Variants in CDC14A observed in about 807,000 individuals in gnomAD.
The protein encoded by CDC14A is dual specificity protein phosphatase CDC14A.
In CDC14A, 53 loss-of-function variants were observed where a neutral mutation model predicts 74.4. The observed-to-expected ratio is 0.71, with a 90% CI of 0.57 to 0.89. CDC14A has a LOEUF of 0.89. Among genes scored for constraint, CDC14A ranks in the 40% least tolerant of loss-of-function variants. The pLI is 0.00. For synonymous variants in CDC14A, 247 were observed against 258.4 expected, an observed-to-expected ratio of 0.96 and a Z score of 0.43; for missense variants, 646 against 713.7, an observed-to-expected ratio of 0.91 and a Z score of 1.08.
At chr1:100,375,282 A>G (rs1655079588) in intron 2 of CDC14A, among the ~76,000 whole-genome samples, 1 of 152,230 alleles carries the variant, frequency 6.6e-6, no homozygotes, top group Non-Finnish European at 1.5e-5. Context: ...CAGATTTCCT[A>G]TGGGACCTCT....
At chr1:100,363,297 G>A (rs1653050317) in intron 2 of CDC14A, 1 of 152,192 alleles carries the variant, frequency 6.6e-6, no homozygotes, top group Admixed American at 6.5e-5. Context: ...GTTTACGTGT[G>A]CAGCTCTCTT....
intron 4 of CDC14A, among the ~76,000 whole-genome samples, chr1:100,421,388 T>A (rs1571146997): frequency 1.3e-5 from 2 of 152,208 alleles, no homozygotes; most frequent in African/African-American, 4.8e-5. Flanking sequence ...AAATATGGAT[T>A]TTATTTTTAG....
At chr1:100,494,672 C>A in intron 11 of CDC14A, 146 bp from the exon 12 acceptor site, 1 of 543,456 alleles carries the variant, frequency 1.8e-6, no homozygotes, top group Non-Finnish European at 3.3e-6. Context: ...TTTGTGTAAA[C>A]TTTGACAATG....
At chr1:100,481,702 A>G (rs1430159977) in intron 10 of CDC14A, among the ~76,000 whole-genome samples, 1 of 152,214 alleles carries the variant, frequency 6.6e-6, no homozygotes, top group Non-Finnish European at 1.5e-5. Flanking sequence ...ATTCAAACCA[A>G]GACACATCTC....
chr1:100,519,751 A>G lies in CDC14A; in HGVS notation c.*1471A>G, dbSNP rs1650539670. 1 of 152,584 alleles carries G rather than the reference A, an allele frequency of 6.6e-6. No individual in the cohort carries two copies. The highest frequency in any genetic ancestry group is 2.4e-5 in the African/African-American group (1 of 41,452). The allele number at this position is 152,584 out of a possible 1,614,324, so 9.5% of individuals were successfully genotyped here. A position where few individuals can be genotyped will look rare whatever the true frequency, so the allele number is the denominator to read the frequency against. ...TCAACTGATGAAAAAAACGAATTGT[A>G]TGATTTAGGAATCAAAAACTAAAAT... is the stretch of plus-strand genomic sequence containing the variant. On this transcript the variant is annotated 3_prime_UTR_variant, in exon 16 of 16. Transcript: ENST00000336454.
At chr1:100,451,575 T>C (rs976182353) in intron 7 of CDC14A, among the ~76,000 whole-genome samples, 1 of 152,240 alleles carries the variant, frequency 6.6e-6, no homozygotes, top group Non-Finnish European at 1.5e-5. Flanking sequence ...GTCAACACTG[T>C]TTTGTTGTTT....
chr1:100,460,435 T>A lies in CDC14A; in HGVS notation c.608-2216T>A, dbSNP rs3767831. Among the ~76,000 whole-genome samples the A allele has an allele frequency of 3.4e-4, 51 of 152,202 alleles. 1 individual carries two copies. In the East Asian group the frequency reaches 9.9e-3, roughly 29 times the overall value. On this transcript the variant is annotated intron_variant, in intron 8 of 15. Coordinates refer to ENST00000336454, the MANE Select transcript of CDC14A (RefSeq NM_003672.4). Reference sequence around the variant, plus strand: ...AATTGCTAACACAACGTGTGACAGGTGCTGTCATGGAGGTCCCAGGCATGC... The same window carrying A: ...AATTGCTAACACAACGTGTGACAGGAGCTGTCATGGAGGTCCCAGGCATGC...
chr1:100,492,870 GTGTGTGTGTGGGTA>G lies in CDC14A; in HGVS notation c.1138-1937_1138-1924del, dbSNP rs1670853984. 1.2e-4 allele frequency among the ~76,000 whole-genome samples: 18 copies of G among 151,998 alleles called. No individual in the cohort carries two copies. In the South Asian group the frequency reaches 3.7e-3, roughly 32 times the overall value. On this transcript the variant is annotated intron_variant, in intron 11 of 15. Transcript: ENST00000336454. ...TGTGTGTGTGTGTGTGTGTATGTGT[GTGTGTGTGTGGGTA>G]TGTGTGTGTGTGTGAAGTCCTAGGA... is the stretch of plus-strand genomic sequence containing the variant.
rs1658019138 is a variant in CDC14A, at chr1:100,393,596, C to T, written c.309+2772C>T. Reference sequence around the variant, plus strand: ...TAGGTTGGTATCTGCGAGTTTACTTCTCCACCAGCACTGCAGCTGCTTCCT... The same window carrying T: ...TAGGTTGGTATCTGCGAGTTTACTTTTCCACCAGCACTGCAGCTGCTTCCT... On this transcript the variant is annotated intron_variant, in intron 4 of 15. Transcript: ENST00000336454. 3 of 698,056 alleles carry T rather than the reference C, an allele frequency of 4.3e-6. No homozygotes were observed. In the East Asian group the frequency reaches 8.4e-5, roughly 19 times the overall value. The allele number at this position is 698,056 out of a possible 1,614,324, so 43.2% of individuals were successfully genotyped here.
rs142012946 is a variant in CDC14A, at chr1:100,431,432, A to G, written c.389+7131A>G. On this transcript the variant is annotated intron_variant, in intron 5 of 15. Coordinates refer to ENST00000336454, the MANE Select transcript of CDC14A (RefSeq NM_003672.4). ...CCTTAGTTGATAAATATGGTTTTGA[A>G]TAAGATTGCAGTCATTTACCTTAAT... Among the ~76,000 whole-genome samples, 671 of 152,244 alleles carry G rather than the reference A, an allele frequency of 4.4e-3. 2 individuals carry two copies. Among genetic ancestry groups the G allele is most frequent in the Non-Finnish European group, 7.2e-3 (489 of 68,030 alleles).
intron 2 of CDC14A, among the ~76,000 whole-genome samples, chr1:100,360,108 A>ATTTTTTTT (rs35028152): frequency 8.1e-6 from 1 of 123,726 alleles, no homozygotes. Context: ...ACACCCAGCT[A>ATTTTTTTT]TTTTTTTTTT....
chr1:100,437,134 C>T (rs902167761), intron 5 of CDC14A, among the ~76,000 whole-genome samples: 1 of 152,062 alleles, frequency 6.6e-6, no homozygotes, highest in Admixed American at 6.5e-5. Flanking sequence ...TGCAGTGAGC[C>T]AAGATCATAC....
intron 2 of CDC14A, among the ~76,000 whole-genome samples, chr1:100,358,787 A>G (rs1368367612): frequency 2.0e-5 from 3 of 152,360 alleles, no homozygotes; most frequent in South Asian, 2.1e-4. Flanking sequence ...TATCTTGTCT[A>G]TAGCATAGTT....
chr1:100,352,384 CCGCGGAGTCGTGAA>C (rs770270576), upstream of CDC14A: 101 of 847,796 alleles, frequency 1.2e-4, no homozygotes, highest in African/African-American at 2.8e-4. Context: ...TAAGGGATGG[CCGCGGAGTCGTGAA>C]AGTGGAGGGG....
At chr1:100,510,036 C>T (rs1269127478) in intron 15 of CDC14A, among the ~76,000 whole-genome samples, 2 of 152,032 alleles carry the variant, frequency 1.3e-5, no homozygotes, top group Non-Finnish European at 2.9e-5. Flanking sequence ...GTTCCCATTT[C>T]CTATTAGGAA....
At chr1:100,389,076 G>A (rs1199877797) in intron 3 of CDC14A, among the ~76,000 whole-genome samples, 2 of 149,922 alleles carry the variant, frequency 1.3e-5, no homozygotes, top group East Asian at 2.0e-4. Flanking sequence ...TCAGGAGGCC[G>A]AGGTGAGAGG....
chr1:100,386,648 T>C (rs1656912189), intron 3 of CDC14A, among the ~76,000 whole-genome samples: 1 of 152,094 alleles, frequency 6.6e-6, no homozygotes, highest in Non-Finnish European at 1.5e-5. Context: ...ATACAAAAAT[T>C]AGCCAGGCAT....
chr1:100,464,074 G>A (rs1479820099), intron 9 of CDC14A, among the ~76,000 whole-genome samples: 3 of 152,204 alleles, frequency 2.0e-5, no homozygotes, highest in Non-Finnish European at 4.4e-5. Flanking sequence ...ATGCCGTTTT[G>A]TAGGCCCTTG....
chr1:100,484,348 G>T lies in CDC14A; in HGVS notation c.1034G>T (p.Arg345Leu). The change falls in exon 11 of 16, where the codon CGA becomes CTA. Residue 345 changes from arginine to leucine, a missense_variant. By Grantham distance (102) the Arg-to-Leu change is moderately radical. Transcript: ENST00000336454. Reference protein sequence around the residue: ...GDIFRSKLKNRPSSEGSINKI... With the variant: ...GDIFRSKLKNLPSSEGSINKI... ...ATTTTCCGATCCAAACTGAAAAATC[G>T]ACCATCCAGTGAAGGAAGTATTAAT... 3 of 1,604,248 alleles carry T rather than the reference G, an allele frequency of 1.9e-6. No homozygotes were observed. In the South Asian group the frequency reaches 3.3e-5, roughly 18 times the overall value.
Sources: allele counts gnomAD v4.1 joint callset (sites outside exome capture counted in the v4.1 genomes callset), GRCh38; gene constraint gnomAD v4.1.1; transcripts MANE v1.5; gene names NCBI Gene and HGNC (gene_info 2026-07-23, HGNC 2026-07-21).